Variants in SYNE2 observed in about 807,000 individuals in gnomAD.
The protein encoded by SYNE2 is spectrin repeat containing nuclear envelope protein 2.
In SYNE2, 431 loss-of-function variants were observed where a neutral mutation model predicts 856.3. The ratio of observed to expected loss-of-function variants is 0.50; its 90% CI spans 0.47 to 0.55. The LOEUF is 0.55. Ranked by LOEUF, SYNE2 falls within the 20% of genes least tolerant of loss-of-function variation. The pLI is 0.00. For missense variants in SYNE2, 8,129 were observed against 8,023.2 expected (o/e 1.01, Z -0.50); for synonymous variants, 2,923 against 2,872.3 (o/e 1.02, Z -0.56).
At chr14:64,200,663 G>A (rs1207520161) in intron 99 of SYNE2, among the ~76,000 whole-genome samples, 1 of 152,226 alleles carries the variant, frequency 6.6e-6, no homozygotes, top group South Asian at 2.1e-4. Flanking sequence ...ACGTATCCTT[G>A]TGGTGTTTGC....
intron 81 of SYNE2, 119 bp downstream of exon 81, chr14:64,141,642 A>C: frequency 1.8e-6 from 2 of 1,135,622 alleles, no homozygotes; most frequent in Non-Finnish European, 1.3e-6. Flanking sequence ...CTCTGGCACC[A>C]CTGAATATAA....
intron 2 of SYNE2, among the ~76,000 whole-genome samples, chr14:63,930,651 C>CAAGT (rs1274395959): frequency 9.2e-5 from 14 of 151,628 alleles, no homozygotes; most frequent in Non-Finnish European, 1.8e-4. Context: ...TCTCCTTCTT[C>CAAGT]AGCCTCCCAA....
At chr14:64,212,199 C>A (rs1280376360) in intron 104 of SYNE2, 101 bp downstream of exon 104, 3 of 1,586,412 alleles carry the variant, frequency 1.9e-6, no homozygotes, top group Non-Finnish European at 2.6e-6. Flanking sequence ...GAGCAAATTT[C>A]AGAATTCTTA....
intron 6 of SYNE2, among the ~76,000 whole-genome samples, chr14:63,948,776 G>GTGTATATATATATGTATATATATA (rs1566884088): frequency 5.9e-5 from 4 of 67,600 alleles, no homozygotes; most frequent in African/African-American, 1.3e-4. Context: ...ATATGTATGT[G>GTGTATATATATATGTATATATATA]TGTGTGTATA....
chr14:63,974,894 A>G (rs12385929), intron 11 of SYNE2, among the ~76,000 whole-genome samples: 787 of 22,484 alleles, frequency 0.035, 8 homozygotes, highest in Non-Finnish European at 0.05. Flanking sequence ...GTGTGTGTGT[A>G]TATATATATA....
At position 64,098,624 on chromosome 14, in the gene SYNE2, TG is replaced by T. The variant is rs1474259845; in HGVS notation, c.12307-118del. ...AACGGACCAGGAGACAGGCTTCTTG[TG>T]GGGGTGGGCATCTTGGATAAAGTAA... On this transcript the variant is annotated intron_variant, in intron 62 of 115. Coordinates refer to ENST00000555002, the MANE Select transcript of SYNE2 (RefSeq NM_182914.3). 1.3e-5 allele frequency: 12 copies of T among 929,932 alleles called. 1 individual carries two copies. In the Middle Eastern group the frequency reaches 9.0e-4, roughly 70 times the overall value. 57.6% of individuals were successfully genotyped at this position (929,932 alleles called of 1,614,324 possible). A position where few individuals can be genotyped will look rare whatever the true frequency, so the allele number is the denominator to read the frequency against.
rs967978263 is a variant in SYNE2 at position 64,027,617 on chromosome 14, G to A, written c.6538G>A (p.Ala2180Thr). 2 of 1,614,102 alleles carry A rather than the reference G, an allele frequency of 1.2e-6. No individual in the cohort carries two copies. Among genetic ancestry groups the A allele is most frequent in the Non-Finnish European group, 8.5e-7 (1 of 1,180,014 alleles). The change falls in exon 43 of 116, where the codon GCT (alanine) becomes ACT (threonine). Residue 2180 changes from alanine (A) to threonine (T), a missense_variant. Physicochemically the swap from Ala to Thr is moderately conservative, Grantham distance 58 (BLOSUM62 0). This residue lies in a region of SYNE2 where 297 missense variants were observed against 380.9 expected (regional missense o/e 0.78). Transcript: ENST00000555002. Reference sequence around the variant, plus strand: ...ACAACATGGTCTGCAGGAGAAGAAAGCTCAGTTAAAGATTTATAAGAAATT... The same window carrying A: ...ACAACATGGTCTGCAGGAGAAGAAAACTCAGTTAAAGATTTATAAGAAATT... ...ALQHGLQEKK[A>T]QLKIYKKFLK...
In SYNE2 at chr14:64,225,945, T is replaced by C. The variant is rs1374223213; in HGVS notation, c.*419T>C. ...ACCCTAGAAATGGTTCAGAAACTCA[T>C]AGGCACCCTTAGCTGATGGAAACAA... On this transcript the variant is annotated 3_prime_UTR_variant, in exon 116 of 116. Coordinates refer to ENST00000555002, the MANE Select transcript of SYNE2 (RefSeq NM_182914.3). The C allele has an allele frequency of 8.3e-6, 3 of 361,426 alleles. No individual in the cohort carries two copies. Among genetic ancestry groups the C allele is most frequent in the Non-Finnish European group, 1.5e-5 (3 of 197,168 alleles). 22.4% of individuals were successfully genotyped at this position (361,426 alleles called of 1,614,324 possible).
intron 17 of SYNE2, 93 bp from the exon 18 acceptor site, chr14:63,983,644 A>T (rs535816222): frequency 1.9e-6 from 2 of 1,071,844 alleles, no homozygotes; most frequent in Non-Finnish European, 2.8e-6. Context: ...CTAAACATAT[A>T]TTTGAATATA....
chr14:63,800,957 A>C (rs111558213), intron 1 of SYNE2, among the ~76,000 whole-genome samples: 1 of 152,320 alleles, frequency 6.6e-6, no homozygotes, highest in African/African-American at 2.4e-5. Flanking sequence ...CCCCAAACCT[A>C]AAAAGTTAAA....
At chr14:63,970,157 G>A (rs753515598) in intron 11 of SYNE2, among the ~76,000 whole-genome samples, 7 of 151,344 alleles carry the variant, frequency 4.6e-5, no homozygotes, top group East Asian at 1.9e-4. Context: ...AAATGACACC[G>A]TTGTATCTTG....
rs1890768053 is a variant in SYNE2, at chr14:63,853,147, G to A, written c.-52+4G>A. The stretch of plus-strand genomic sequence containing the variant: ...TTGCCCCTCGGCCGGGCGGACGGTG[G>A]GTGAGCGCGGCCGCGGGGCCCCAGC... On this transcript the variant is annotated splice_donor_region_variant and intron_variant, in intron 1 of 115. Coordinates refer to ENST00000555002, the MANE Select transcript of SYNE2 (RefSeq NM_182914.3). The A allele has an allele frequency of 6.6e-6, 1 of 151,722 alleles. No homozygotes were observed. The highest frequency in any genetic ancestry group is 1.5e-5 in the Non-Finnish European group (1 of 67,908). The allele number at this position is 151,722 out of a possible 1,614,324, so 9.4% of individuals were successfully genotyped here.
chr14:63,974,914 A>ATATATATATATATATG (rs1260422403), intron 11 of SYNE2, among the ~76,000 whole-genome samples: 1 of 85,526 alleles, frequency 1.2e-5, no homozygotes, highest in South Asian at 4.6e-4. Context: ...ATATATATAT[A>ATATATATATATATATG]TATGTATCTT....
At chr14:63,856,157 G>A (rs1001595337) in intron 1 of SYNE2, among the ~76,000 whole-genome samples, 1 of 152,188 alleles carries the variant, frequency 6.6e-6, no homozygotes, top group African/African-American at 2.4e-5. Flanking sequence ...TCAAGTTAAG[G>A]GAGGGTAGGA....
intron 98 of SYNE2, 107 bp downstream of exon 98, chr14:64,188,815 AT>A: frequency 8.3e-7 from 1 of 1,211,804 alleles, no homozygotes; most frequent in Non-Finnish European, 1.2e-6. Flanking sequence ...TTCCAGTAGC[AT>A]TTTAGAAATT....
chr14:64,105,424 G>A (rs2097764725), intron 64 of SYNE2, among the ~76,000 whole-genome samples: 1 of 152,150 alleles, frequency 6.6e-6, no homozygotes, highest in African/African-American at 2.4e-5. Flanking sequence ...TTCAGTAGAA[G>A]CTGAAAAGAC....
chr14:64,058,387 A>G (rs1042619381), intron 49 of SYNE2, among the ~76,000 whole-genome samples: 2 of 152,164 alleles, frequency 1.3e-5, no homozygotes, highest in Non-Finnish European at 2.9e-5. Flanking sequence ...GTATCTTTCT[A>G]TAGGTTTGGG....
intron 52 of SYNE2, among the ~76,000 whole-genome samples, chr14:64,071,470 G>A (rs542515144): frequency 3.9e-4 from 59 of 151,846 alleles, no homozygotes; most frequent in African/African-American, 1.3e-3. Context: ...CTCCAGCCTG[G>A]GTGACAGAGT....
chr14:64,130,730 C>CA (rs1261591144), intron 76 of SYNE2, among the ~76,000 whole-genome samples: 1 of 151,814 alleles, frequency 6.6e-6, no homozygotes, highest in African/African-American at 2.4e-5. Flanking sequence ...ACCAAAAATA[C>CA]AAAAATTAGC....
Sources: gnomAD v4.1 joint callset for allele counts (sites outside exome capture counted in the v4.1 genomes callset) on GRCh38, gnomAD v4.1.1 for gene constraint, gnomAD v4.1.1 regional missense constraint, MANE v1.5 for transcripts, NCBI Gene and HGNC (gene_info 2026-07-23, HGNC 2026-07-21) for gene names.